Variants in RTF2 observed in about 807,000 individuals in gnomAD.
RTF2 encodes UPF0549 protein C20orf43.
In RTF2, 18 loss-of-function variants were observed where a neutral mutation model predicts 38.0. The observed-to-expected ratio is 0.47, with a 90% CI of 0.33 to 0.70. RTF2 has a LOEUF of 0.70. Among genes scored for constraint, RTF2 ranks in the 30% least tolerant of loss-of-function variants. The pLI is 0.02. For missense variants in RTF2, 311 were observed against 379.6 expected, an observed-to-expected ratio of 0.82 and a Z score of 1.50; for synonymous variants, 126 against 137.1, an observed-to-expected ratio of 0.92 and a Z score of 0.57.
intron 5 of RTF2, among the ~76,000 whole-genome samples, chr20:56,493,267 G>A (rs1037150289): frequency 6.6e-6 from 1 of 152,220 alleles, no homozygotes; most frequent in African/African-American, 2.4e-5. Context: ...GACTATGTAA[G>A]TGGCAGCTGT....
At chr20:56,509,298 C>T (rs150727834) in intron 5 of RTF2, among the ~76,000 whole-genome samples, 1 of 152,294 alleles carries the variant, frequency 6.6e-6, no homozygotes, top group Non-Finnish European at 1.5e-5. Flanking sequence ...GACAGCACTT[C>T]ACTCCCATTA....
At chr20:56,514,036 CAAG>C (rs1984863046) in intron 6 of RTF2, 1 of 152,582 alleles carries the variant, frequency 6.6e-6, no homozygotes, top group Non-Finnish European at 1.5e-5. Flanking sequence ...CTTTGAATAA[CAAG>C]GAGCTAATGA....
chr20:56,517,322 A>G, intron 8 of RTF2, 121 bp downstream of exon 8: 1 of 745,552 alleles, frequency 1.3e-6, no homozygotes, highest in Admixed American at 2.3e-5. Flanking sequence ...TCATGTCTCT[A>G]GAGAGTGCAC....
chr20:56,507,546 A>T (rs1173705721), intron 5 of RTF2, among the ~76,000 whole-genome samples: 1 of 152,220 alleles, frequency 6.6e-6, no homozygotes, highest in Non-Finnish European at 1.5e-5. Context: ...TTAAAAGTAC[A>T]ATAAGTCTGG....
chr20:56,490,729 A>G (rs544885043), intron 5 of RTF2, among the ~76,000 whole-genome samples: 1 of 152,380 alleles, frequency 6.6e-6, no homozygotes, highest in Admixed American at 6.5e-5. Flanking sequence ...AGGCAGGAGA[A>G]TGGCTTGAAC....
At chr20:56,483,887 CTT>C (rs113420124) in intron 4 of RTF2, among the ~76,000 whole-genome samples, 101 of 152,002 alleles carry the variant, frequency 6.6e-4, no homozygotes, top group African/African-American at 2.3e-3. Context: ...GTTCTTTTGA[CTT>C]TTGATGTTTG....
At chr20:56,508,143 GAA>G (rs1984403714) in intron 5 of RTF2, among the ~76,000 whole-genome samples, 1 of 152,032 alleles carries the variant, frequency 6.6e-6, no homozygotes, top group African/African-American at 2.4e-5. Flanking sequence ...ACCCACCCTA[GAA>G]AAAAAGCTGA....
rs187372780 is a variant in RTF2, at chr20:56,487,717, C to T, written c.477+3528C>T. Among the ~76,000 whole-genome samples, 8 of 152,318 alleles carry T rather than the reference C, an allele frequency of 5.3e-5. No individual in the cohort carries two copies. In the East Asian group the frequency reaches 1.5e-3, roughly 29 times the overall value. ...GGATGACTTACCGGAAAGTCATTGT[C>T]TTATAGTTCTGGAGACTAACGTCCA... On this transcript the variant is annotated intron_variant, in intron 5 of 8. Transcript: ENST00000357348.
intron 5 of RTF2, among the ~76,000 whole-genome samples, chr20:56,508,093 G>A (rs547927929): frequency 3.9e-5 from 6 of 152,136 alleles, no homozygotes; most frequent in Non-Finnish European, 7.3e-5. Flanking sequence ...TCAGGGATTT[G>A]TGGGTCAAAA....
At position 56,473,187 on chromosome 20, in the gene RTF2, T is replaced by TA. The variant is rs1380127644; in HGVS notation, c.70-108dup. The stretch of plus-strand genomic sequence containing the variant: ...ACTTCCTATGTCATTATCTTTGATT[T>TA]AAAAAACAAAAATCATTACAGTGCG... On this transcript the variant is annotated intron_variant, in intron 1 of 8. Transcript: ENST00000357348. The TA allele has an allele frequency of 1.3e-5, 10 of 786,998 alleles. No individual in the cohort carries two copies. The African/African-American group carries it at 1.4e-4, about 11-fold the overall frequency. 48.8% of individuals were successfully genotyped at this position (786,998 alleles called of 1,614,324 possible).
chr20:56,514,599 C>G (rs980898290), intron 6 of RTF2, among the ~76,000 whole-genome samples: 4 of 151,918 alleles, frequency 2.6e-5, no homozygotes, highest in Admixed American at 6.6e-5. Flanking sequence ...AAGACAGGAC[C>G]GTATCACCCT....
chr20:56,506,859 C>G (rs1420309875), intron 5 of RTF2, among the ~76,000 whole-genome samples: 1 of 152,238 alleles, frequency 6.6e-6, no homozygotes, highest in Admixed American at 6.5e-5. Context: ...CACCACCATG[C>G]CCGACTAATT....
rs141030906 is a variant in RTF2 at position 56,512,547 on chromosome 20, G to T, written c.478-768G>T. On this transcript the variant is annotated intron_variant, in intron 5 of 8. Transcript: ENST00000357348. ...GGGCATGCCTTTGGTGTGTATGTGT[G>T]CGTTTCTACCACCACAACACTGTCA... is the stretch of plus-strand genomic sequence containing the variant. 3.0e-4 allele frequency among the ~76,000 whole-genome samples: 46 copies of T among 152,296 alleles called. No individual in the cohort carries two copies. The East Asian group carries it at 7.3e-3, about 24-fold the overall frequency.
chr20:56,469,284 T>G (rs575125045), intron 1 of RTF2, among the ~76,000 whole-genome samples: 1 of 152,264 alleles, frequency 6.6e-6, no homozygotes, highest in African/African-American at 2.4e-5. Context: ...TCTTCCCCGC[T>G]AGACGGTAAG....
At chr20:56,486,286 G>A (rs1323215468) in intron 5 of RTF2, among the ~76,000 whole-genome samples, 1 of 152,134 alleles carries the variant, frequency 6.6e-6, no homozygotes, top group African/African-American at 2.4e-5. Flanking sequence ...GGTATTCTCT[G>A]CATTTTTATG....
intron 4 of RTF2, among the ~76,000 whole-genome samples, chr20:56,482,459 G>T (rs577636529): frequency 6.6e-6 from 1 of 152,322 alleles, no homozygotes; most frequent in South Asian, 2.1e-4. Context: ...TTTTGATCCG[G>T]TTTGGTTGAA....
At chr20:56,473,496 GCAAATTTGTGAGGCA>G in intron 2 of RTF2, 101 bp downstream of exon 2, 1 of 799,444 alleles carries the variant, frequency 1.3e-6, no homozygotes. Flanking sequence ...ATTATCCCAA[GCAAATTTGTGAGGCA>G]TAGGCTGTCG....
At chr20:56,495,589 G>A (rs545660559) in intron 5 of RTF2, among the ~76,000 whole-genome samples, 2 of 152,246 alleles carry the variant, frequency 1.3e-5, no homozygotes, top group Non-Finnish European at 2.9e-5. Context: ...TCCACCCCTT[G>A]TTACTCCCTT....
At chr20:56,470,655 A>G in intron 1 of RTF2, 2 of 456,072 alleles carry the variant, frequency 4.4e-6, no homozygotes, top group South Asian at 1.5e-5. Flanking sequence ...CCAAGCCAAG[A>G]TTAGAAGCCT....
Sources: allele counts gnomAD v4.1 joint callset (sites outside exome capture counted in the v4.1 genomes callset), GRCh38; gene constraint gnomAD v4.1.1; transcripts MANE v1.5; gene names NCBI Gene and HGNC (gene_info 2026-07-23, HGNC 2026-07-21).